Variants in ERBIN observed in about 807,000 individuals in gnomAD.
ERBIN encodes erbb2 interacting protein.
ERBIN carries 60 observed loss-of-function variants against 158.4 expected under a neutral mutation model. That is an observed-to-expected ratio of 0.38 (90% CI 0.31 to 0.47). The LOEUF (loss-of-function observed/expected upper bound fraction) is 0.47. Among genes scored for constraint, ERBIN ranks in the 20% least tolerant of loss-of-function variants. The probability of loss-of-function intolerance (pLI) is 0.99; values close to 1 mark genes in which losing one functional copy is unlikely to be tolerated. For synonymous variants in ERBIN, 594 were observed against 557.2 expected, an observed-to-expected ratio of 1.07 and a Z score of -0.93; for missense variants, 1,610 against 1,648.0, an observed-to-expected ratio of 0.98 and a Z score of 0.40.
intron 1 of ERBIN, among the ~76,000 whole-genome samples, chr5:65,933,227 T>C (rs900482173): frequency 5.9e-5 from 9 of 152,382 alleles, no homozygotes; most frequent in Middle Eastern, 6.8e-3. Flanking sequence ...GTGTATGTCA[T>C]GCTTTTTGTT....
At chr5:66,047,006 A>G (rs1445155180) in intron 18 of ERBIN, among the ~76,000 whole-genome samples, 1 of 152,122 alleles carries the variant, frequency 6.6e-6, no homozygotes, top group Non-Finnish European at 1.5e-5. Context: ...TCACTTATTT[A>G]AAGTATTCAA....
In ERBIN at chr5:66,034,567, G is replaced by A. The variant is rs376303120; in HGVS notation, c.1207-3816G>A. Among the ~76,000 whole-genome samples, 12 of 151,532 alleles carry A rather than the reference G, an allele frequency of 7.9e-5. No homozygotes were observed. The East Asian group carries it at 1.6e-3, about 20-fold the overall frequency. The stretch of plus-strand genomic sequence containing the variant: ...CTCCCAAAGTGCTGGGATTACAGGC[G>A]TGAGCCACCAAGCACAACCTCATAG... On this transcript the variant is annotated intron_variant, in intron 14 of 25. Transcript: ENST00000284037.
At chr5:66,055,057 A>G in intron 21 of ERBIN, 106 bp downstream of exon 21, 1 of 1,430,574 alleles carries the variant, frequency 7.0e-7, no homozygotes, top group South Asian at 1.6e-5. Flanking sequence ...TTTATATTCT[A>G]GGTGTTTTTC....
intron 1 of ERBIN, among the ~76,000 whole-genome samples, chr5:65,972,290 A>G (rs184691888): frequency 1.3e-5 from 2 of 152,034 alleles, no homozygotes; most frequent in African/African-American, 4.8e-5. Flanking sequence ...TGGACTTACT[A>G]TGATGTGGAG....
intron 13 of ERBIN, 88 bp downstream of exon 13, chr5:66,026,505 GTGCTTGTTGCTCTTTAAATATA>G: frequency 1.7e-6 from 1 of 585,790 alleles, no homozygotes; most frequent in Middle Eastern, 4.6e-4. Flanking sequence ...AGAATAGCTA[GTGCTTGTTGCTCTTTAAATATA>G]CATAGTAAGT....
At chr5:66,072,769 TTATC>T (rs1761641940) in intron 22 of ERBIN, among the ~76,000 whole-genome samples, 2 of 152,230 alleles carry the variant, frequency 1.3e-5, no homozygotes, top group Non-Finnish European at 2.9e-5. Context: ...TTTGTTGCAA[TTATC>T]TATGTATGGC....
chr5:65,958,481 C>T (rs1390435208), intron 1 of ERBIN, among the ~76,000 whole-genome samples: 18 of 152,152 alleles, frequency 1.2e-4, no homozygotes, highest in African/African-American at 2.9e-4. Context: ...ACCAGTCAGG[C>T]GGGGCGGTGC....
chr5:66,020,546 G>T (rs1026099852), intron 7 of ERBIN, among the ~76,000 whole-genome samples: 1 of 151,910 alleles, frequency 6.6e-6, no homozygotes, highest in Admixed American at 6.6e-5. Context: ...ACATCTCAAT[G>T]TATTAAATAA....
rs114722905 is a variant in ERBIN at position 66,054,589 on chromosome 5, C to T, written c.3271C>T (p.Pro1091Ser). 713 of 1,614,094 alleles carry T rather than the reference C, an allele frequency of 4.4e-4. 1 individual carries two copies. The African/African-American group carries it at 8.4e-3, about 19-fold the overall frequency. ...SSTASVNLGDPGSTRRAQIPE... is the reference protein window; with the variant it reads ...SSTASVNLGDSGSTRRAQIPE... ...CACAGCCTCTGTAAATCTTGGTGAT[C>T]CAGGCTCTACAAGGCGGGCTCAGAT... The change falls in exon 21 of 26, where the codon CCA becomes TCA. Residue 1091 changes from proline (P) to serine (S), a missense_variant. By Grantham distance (74) the Pro-to-Ser change is moderately conservative. Coordinates refer to ENST00000284037, the MANE Select transcript of ERBIN (RefSeq NM_001253697.2).
intron 15 of ERBIN, among the ~76,000 whole-genome samples, chr5:66,041,052 C>G (rs1013740373): frequency 5.3e-5 from 8 of 151,750 alleles, no homozygotes; most frequent in African/African-American, 1.9e-4. Flanking sequence ...TATTGCATTT[C>G]TTTTTACATT....
chr5:65,976,253 C>A (rs1347380051), intron 1 of ERBIN, among the ~76,000 whole-genome samples: 1 of 152,180 alleles, frequency 6.6e-6, no homozygotes, highest in Non-Finnish European at 1.5e-5. Flanking sequence ...GTGCTTGGAT[C>A]ACTTGAGGCC....
intron 1 of ERBIN, among the ~76,000 whole-genome samples, chr5:65,963,701 G>T (rs1748187314): frequency 2.6e-5 from 4 of 152,042 alleles, no homozygotes; most frequent in Admixed American, 2.6e-4. Flanking sequence ...TACCGCTGCT[G>T]AGTTGTATTT....
chr5:65,939,311 C>CCTGTA (rs1377912110), intron 1 of ERBIN, among the ~76,000 whole-genome samples: 2 of 152,028 alleles, frequency 1.3e-5, no homozygotes, highest in Non-Finnish European at 2.9e-5. Flanking sequence ...GTGGCGTGTG[C>CCTGTA]CTGTAGTCCC....
chr5:66,023,848 T>C (rs1263136320), intron 9 of ERBIN, among the ~76,000 whole-genome samples: 1 of 152,000 alleles, frequency 6.6e-6, no homozygotes, highest in Non-Finnish European at 1.5e-5. Context: ...GCTAATTTTT[T>C]TTTATTTTTT....
At chr5:66,057,772 A>G (rs1056935480) in intron 21 of ERBIN, among the ~76,000 whole-genome samples, 3 of 142,038 alleles carry the variant, frequency 2.1e-5, no homozygotes, top group Admixed American at 7.4e-5. Flanking sequence ...TCATTGTTCA[A>G]TTTCCACCTG....
chr5:66,076,736 C>T, intron 24 of ERBIN, 139 bp from the exon 25 acceptor site: 2 of 659,860 alleles, frequency 3.0e-6, no homozygotes, highest in Non-Finnish European at 2.7e-6. Context: ...TAGTTTGTTA[C>T]AGTATTACTC....
chr5:66,063,198 CT>C (rs1450313766), intron 21 of ERBIN, among the ~76,000 whole-genome samples: 2 of 152,354 alleles, frequency 1.3e-5, no homozygotes, highest in Non-Finnish European at 2.9e-5. Context: ...CCAGTTCGAG[CT>C]TCCCAGCTGC....
intron 18 of ERBIN, 56 bp from the exon 19 acceptor site, chr5:66,048,609 TTA>T: frequency 3.3e-6 from 3 of 899,142 alleles, no homozygotes; most frequent in Non-Finnish European, 5.2e-6. Context: ...GACTTAATAT[TTA>T]TTTATTTAAA....
intron 1 of ERBIN, among the ~76,000 whole-genome samples, chr5:65,955,980 G>A (rs1747067182): frequency 6.6e-6 from 1 of 152,196 alleles, no homozygotes; most frequent in African/African-American, 2.4e-5. Context: ...TCACTTAGTA[G>A]TAGCTGTCTC....
Sources: allele counts gnomAD v4.1 joint callset (sites outside exome capture counted in the v4.1 genomes callset), GRCh38; gene constraint gnomAD v4.1.1; transcripts MANE v1.5; gene names NCBI Gene and HGNC (gene_info 2026-07-23, HGNC 2026-07-21).